Variants in SLC25A28 observed in about 807,000 individuals in gnomAD.
The protein encoded by SLC25A28 is solute carrier family 25 member 28.
SLC25A28 carries 10 observed loss-of-function variants against 31.9 expected under a neutral mutation model. The observed-to-expected ratio is 0.31, with a 90% CI of 0.19 to 0.53. SLC25A28 has a LOEUF of 0.53. Ranked by LOEUF, SLC25A28 falls within the 20% of genes least tolerant of loss-of-function variation. The pLI is 0.95. For missense variants in SLC25A28, 256 were observed against 490.3 expected, an observed-to-expected ratio of 0.52 and a Z score of 4.51; for synonymous variants, 208 against 203.6, an observed-to-expected ratio of 1.02 and a Z score of -0.19.
At chr10:99,636,151 C>T in the SLC25A28 span, among the ~76,000 whole-genome samples, 1 of 152,154 alleles carries the variant, frequency 6.6e-6, no homozygotes, top group Non-Finnish European at 1.5e-5. Flanking sequence ...AACATTTCAT[C>T]CAGCAACCTC....
At chr10:99,615,840 A>G (rs1442008162) in intron 1 of SLC25A28, 2 of 985,276 alleles carry the variant, frequency 2.0e-6, no homozygotes, top group Middle Eastern at 5.2e-4. Flanking sequence ...ATGTTCAGCA[A>G]TTGCATTGCT....
At chr10:99,635,215 G>T in the SLC25A28 span, among the ~76,000 whole-genome samples, 4 of 150,948 alleles carry the variant, frequency 2.6e-5, no homozygotes, top group Non-Finnish European at 5.9e-5. Flanking sequence ...AATCACACAG[G>T]ACCTATGAAA....
chr10:99,613,489 C>G lies in SLC25A28; in HGVS notation c.520+207G>C. The G allele has an allele frequency of 7.0e-7, 1 of 1,434,142 alleles. No individual in the cohort carries two copies. Among genetic ancestry groups the G allele is most frequent in the Non-Finnish European group, 9.1e-7 (1 of 1,099,284 alleles). The allele number at this position is 1,434,142 out of a possible 1,614,324, so 88.8% of individuals were successfully genotyped here. A position where few individuals can be genotyped will look rare whatever the true frequency, so the allele number is the denominator to read the frequency against. On this transcript the variant is annotated intron_variant, in intron 2 of 3. Transcript: ENST00000370495. This position sits in a 1 kb window ranked among gnomAD's most constrained non-coding sequence, Gnocchi z 4.9. The stretch of plus-strand genomic sequence containing the variant: ...TGGTAGGTAAGGGAGGATACTGTAA[C>G]CCTTTGTTGAGGTGCCCCAAAGGAA...
chr10:99,622,733 A>C, upstream of SLC25A28: 3 of 984,546 alleles, frequency 3.0e-6, no homozygotes, highest in Non-Finnish European at 3.6e-6. Context: ...CTAAACGTTT[A>C]ATGCTTCTTG....
chr10:99,612,799 G>A (rs2034561091), intron 2 of SLC25A28, 200 bp from the exon 3 acceptor site: 1 of 622,784 alleles, frequency 1.6e-6, no homozygotes, highest in African/African-American at 1.8e-5. Context: ...ACTTTGTAAG[G>A]TCACTAATGT....
chr10:99,637,967 C>T, the SLC25A28 span, among the ~76,000 whole-genome samples: 1 of 152,040 alleles, frequency 6.6e-6, no homozygotes, highest in Non-Finnish European at 1.5e-5. Context: ...CATATGGAAC[C>T]AAAAAGAGCC....
chr10:99,612,713 T>C (rs2034559704), intron 2 of SLC25A28, 114 bp from the exon 3 acceptor site: 2 of 1,183,090 alleles, frequency 1.7e-6, no homozygotes, highest in African/African-American at 3.0e-5. Flanking sequence ...AAAGTAACGT[T>C]AAGAGCTAGT....
chr10:99,656,995 T>G, the SLC25A28 span, among the ~76,000 whole-genome samples: 1 of 152,210 alleles, frequency 6.6e-6, no homozygotes, highest in South Asian at 2.1e-4. Context: ...AAGGAAGTAT[T>G]GTCCAAACCA....
In SLC25A28 at chr10:99,613,582, C is replaced by A; in HGVS notation, c.520+114G>T. The stretch of plus-strand genomic sequence containing the variant: ...TGGAAGTCCCTCCCTTATAATCTGG[C>A]CTATCCCAGCCCAAAGCTTCAGCTC... On this transcript the variant is annotated intron_variant, in intron 2 of 3. Transcript: ENST00000370495. The surrounding 1 kb of genome is among the most constrained non-coding windows in gnomAD (Gnocchi z 4.9). The A allele has an allele frequency of 6.4e-7, 1 of 1,555,074 alleles. No individual in the cohort carries two copies.
the SLC25A28 span, among the ~76,000 whole-genome samples, chr10:99,648,608 A>T: frequency 6.6e-6 from 1 of 151,636 alleles, no homozygotes; most frequent in Non-Finnish European, 1.5e-5. Context: ...CATTTGCATA[A>T]TCTACTATTT....
At chr10:99,645,619 TGGA>T in the SLC25A28 span, among the ~76,000 whole-genome samples, 3 of 152,378 alleles carry the variant, frequency 2.0e-5, no homozygotes, top group South Asian at 2.1e-4. Flanking sequence ...TGCTTTCCTT[TGGA>T]GGAGAAGAGG....
intron 1 of SLC25A28, 123 bp from the exon 2 acceptor site, chr10:99,614,047 G>T: frequency 2.5e-6 from 3 of 1,203,112 alleles, no homozygotes; most frequent in South Asian, 3.2e-5. Context: ...CTGGCTTTCA[G>T]CTTATTTCCA....
chr10:99,654,847 T>C, the SLC25A28 span, among the ~76,000 whole-genome samples: 1 of 152,204 alleles, frequency 6.6e-6, no homozygotes, highest in African/African-American at 2.4e-5. Flanking sequence ...CAAATATAAT[T>C]GTAAGGCAAG....
At chr10:99,617,428 G>T in intron 1 of SLC25A28, 4 of 985,412 alleles carry the variant, frequency 4.1e-6, no homozygotes, top group Non-Finnish European at 4.8e-6. Flanking sequence ...GCTTTCATTT[G>T]CAAACATTGT....
At chr10:99,646,445 AG>A in the SLC25A28 span, among the ~76,000 whole-genome samples, 1 of 152,198 alleles carries the variant, frequency 6.6e-6, no homozygotes, top group Non-Finnish European at 1.5e-5. Context: ...CCAATTTTCC[AG>A]GTACCATCTG....
At chr10:99,644,739 A>G in the SLC25A28 span, among the ~76,000 whole-genome samples, 1 of 152,096 alleles carries the variant, frequency 6.6e-6, no homozygotes, top group Admixed American at 6.5e-5. Context: ...AGCTCTTGTA[A>G]GGCAGGCCTG....
the SLC25A28 span, among the ~76,000 whole-genome samples, chr10:99,633,626 G>A: frequency 1.4e-5 from 2 of 145,638 alleles, no homozygotes; most frequent in Non-Finnish European, 3.0e-5. Flanking sequence ...GAGATCGCAT[G>A]CCATTGCACT....
At chr10:99,624,738 G>A (rs943866198), upstream of SLC25A28, among the ~76,000 whole-genome samples, 34 of 152,278 alleles carry the variant, frequency 2.2e-4, no homozygotes, top group African/African-American at 7.0e-4. Context: ...AGGAGGCTGA[G>A]GTGGGAGAAT....
chr10:99,626,854 C>T, the SLC25A28 span, among the ~76,000 whole-genome samples: 2 of 151,980 alleles, frequency 1.3e-5, no homozygotes, highest in Middle Eastern at 3.4e-3. Flanking sequence ...TCAGTCCCAC[C>T]GTTAGTCCTT....
Sources: gnomAD v4.1 joint callset for allele counts (sites outside exome capture counted in the v4.1 genomes callset) on GRCh38, gnomAD v4.1.1 for gene constraint, Gnocchi (gnomAD v3.1) non-coding constraint, MANE v1.5 for transcripts, NCBI Gene and HGNC (gene_info 2026-07-23, HGNC 2026-07-21) for gene names.